CPSF3: variants seen among roughly 807,000 people sequenced by gnomAD.
CPSF3 encodes cleavage and polyadenylation specific factor 3, also known as cleavage and polyadenylation specificity factor subunit 3.
In CPSF3, 57 loss-of-function variants were observed where a neutral mutation model predicts 84.1. The ratio of observed to expected loss-of-function variants is 0.68; its 90% CI spans 0.55 to 0.85. CPSF3 has a LOEUF of 0.85. CPSF3 is among the 40% of genes least tolerant of loss of function. CPSF3 has a pLI of 0.00. For synonymous variants in CPSF3, 275 were observed against 278.1 expected (o/e 0.99, Z 0.11); for missense variants, 522 against 838.8 (o/e 0.62, Z 4.66).
At chr2:9,466,353 C>G (rs1211028976) in intron 15 of CPSF3, among the ~76,000 whole-genome samples, 14 of 142,550 alleles carry the variant, frequency 9.8e-5, no homozygotes, top group Admixed American at 9.0e-4. Flanking sequence ...CGCGCGCGCG[C>G]ACACACACAC....
intron 10 of CPSF3, among the ~76,000 whole-genome samples, chr2:9,443,957 C>T (rs1421791050): frequency 2.0e-5 from 3 of 152,110 alleles, no homozygotes; most frequent in South Asian, 2.1e-4. Flanking sequence ...TATGACTGCT[C>T]ATTTGGAATG....
chr2:9,457,022 T>C lies in CPSF3; in HGVS notation c.1693T>C (p.Leu565=). The C allele has an allele frequency of 6.4e-7, 1 of 1,573,324 alleles. No individual in the cohort carries two copies. Among genetic ancestry groups the C allele is most frequent in the Non-Finnish European group, 8.7e-7 (1 of 1,152,514 alleles). ...AATACAAGAACCAGGCATGGTGGTA[T>C]TAGAAGTAAGAAAAGATCATTTACC... The part of the protein sequence containing the change: ...TVIQEPGMVV[L]EWLANPSNDM... The change falls in exon 14 of 18, where the codon TTA becomes CTA. Residue 565 remains leucine, a synonymous_variant. Transcript: ENST00000238112.
chr2:9,466,337 CA>C (rs1558466484), intron 15 of CPSF3, among the ~76,000 whole-genome samples: 36 of 94,600 alleles, frequency 3.8e-4, no homozygotes, highest in Middle Eastern at 5.6e-3. Flanking sequence ...GACGCACGCA[CA>C]CACGCGCGCG....
At chr2:9,465,209 C>T (rs1203740529) in intron 15 of CPSF3, among the ~76,000 whole-genome samples, 2 of 152,126 alleles carry the variant, frequency 1.3e-5, no homozygotes, top group Non-Finnish European at 2.9e-5. Flanking sequence ...CATAGTGTTA[C>T]ATGAGAAAGT....
chr2:9,455,171 C>T (rs1681480868), intron 12 of CPSF3, among the ~76,000 whole-genome samples: 1 of 147,186 alleles, frequency 6.8e-6, no homozygotes, highest in South Asian at 2.1e-4. Flanking sequence ...AAGTCTTGCT[C>T]TGTTGCCCAG....
At position 9,446,108 on chromosome 2, in the gene CPSF3, C is replaced by T. The variant is rs190124800; in HGVS notation, c.1243-2090C>T. Among the ~76,000 whole-genome samples, 248 of 152,346 alleles carry T rather than the reference C, an allele frequency of 1.6e-3. 3 individuals are homozygous for T. Among genetic ancestry groups the T allele is most frequent in the African/African-American group, 5.7e-3 (236 of 41,584 alleles). The stretch of plus-strand genomic sequence containing the variant: ...CCCAGCAAGCAGTAAGCCCCTGCCA[C>T]GTGCTGGTGCTGGCTATGCCCAGCC... On this transcript the variant is annotated intron_variant, in intron 10 of 17. Coordinates refer to ENST00000238112, the MANE Select transcript of CPSF3 (RefSeq NM_016207.4).
chr2:9,470,249 CTT>C (rs1171463138), intron 16 of CPSF3, among the ~76,000 whole-genome samples: 1 of 152,068 alleles, frequency 6.6e-6, no homozygotes, highest in Non-Finnish European at 1.5e-5. Context: ...AAAATATAAT[CTT>C]TTCCTTTGTG....
intron 7 of CPSF3, among the ~76,000 whole-genome samples, chr2:9,438,768 A>G (rs1409575297): frequency 6.6e-6 from 1 of 152,164 alleles, no homozygotes; most frequent in Non-Finnish European, 1.5e-5. Flanking sequence ...TAAAATTCAA[A>G]TTTAACTGAG....
intron 10 of CPSF3, among the ~76,000 whole-genome samples, chr2:9,446,382 C>T (rs1338586010): frequency 6.6e-6 from 1 of 151,990 alleles, no homozygotes; most frequent in Non-Finnish European, 1.5e-5. Context: ...AGATGGAGAC[C>T]ATCCTGGCTA....
intron 8 of CPSF3, 137 bp downstream of exon 8, chr2:9,440,803 C>T (rs1680940815): frequency 1.2e-6 from 1 of 809,572 alleles, no homozygotes; most frequent in Non-Finnish European, 1.9e-6. Context: ...ATCACTAGAA[C>T]TCAGGAGTTT....
intron 10 of CPSF3, 102 bp downstream of exon 10, chr2:9,443,763 A>C: frequency 5.7e-6 from 7 of 1,234,626 alleles, no homozygotes; most frequent in Non-Finnish European, 8.1e-6. Flanking sequence ...TCACCTACTA[A>C]TGCGACACCC....
At chr2:9,439,820 CA>C (rs941827947) in intron 7 of CPSF3, among the ~76,000 whole-genome samples, 181 of 141,064 alleles carry the variant, frequency 1.3e-3, no homozygotes, top group African/African-American at 2.6e-3. Flanking sequence ...GACCCAGTCT[CA>C]AAAAAAAAAA....
At chr2:9,460,679 CT>C (rs529125315) in intron 15 of CPSF3, among the ~76,000 whole-genome samples, 442 of 137,600 alleles carry the variant, frequency 3.2e-3, no homozygotes, top group Admixed American at 3.4e-3. Context: ...TTCTTTCTTT[CT>C]TTTTTTTTTT....
intron 1 of CPSF3, among the ~76,000 whole-genome samples, chr2:9,426,623 G>A (rs1680402816): frequency 6.6e-6 from 1 of 152,192 alleles, no homozygotes; most frequent in Admixed American, 6.5e-5. Flanking sequence ...CATTTAAAGG[G>A]TAGGCAGAGG....
intron 10 of CPSF3, among the ~76,000 whole-genome samples, chr2:9,446,882 A>T (rs1447728330): frequency 6.6e-6 from 1 of 152,266 alleles, no homozygotes; most frequent in Non-Finnish European, 1.5e-5. Flanking sequence ...ACAGTGGCTC[A>T]TGCCTGTAAT....
chr2:9,447,533 C>T (rs1681167341), intron 10 of CPSF3, among the ~76,000 whole-genome samples: 2 of 152,068 alleles, frequency 1.3e-5, no homozygotes, highest in South Asian at 4.1e-4. Context: ...AGCCTGTAAT[C>T]CCAGCACTTT....
intron 7 of CPSF3, among the ~76,000 whole-genome samples, chr2:9,437,097 A>G (rs1247383661): frequency 6.6e-6 from 1 of 151,922 alleles, no homozygotes; most frequent in Admixed American, 6.5e-5. Flanking sequence ...CCAAAAAAGT[A>G]GAGTTCAAAA....
intron 15 of CPSF3, among the ~76,000 whole-genome samples, chr2:9,463,520 G>A (rs1018128030): frequency 1.3e-5 from 2 of 152,298 alleles, no homozygotes; most frequent in African/African-American, 2.4e-5. Context: ...AATGATCCAG[G>A]GTATGTATGT....
At chr2:9,428,647 T>C (rs1680474534) in intron 1 of CPSF3, 118 bp from the exon 2 acceptor site, 1 of 661,002 alleles carries the variant, frequency 1.5e-6, no homozygotes, top group Admixed American at 2.7e-5. Flanking sequence ...TCTCAGAATT[T>C]TTCAGTGAGG....
Sources: allele counts gnomAD v4.1 joint callset (sites outside exome capture counted in the v4.1 genomes callset), GRCh38; gene constraint gnomAD v4.1.1; transcripts MANE v1.5; gene names NCBI Gene and HGNC (gene_info 2026-07-23, HGNC 2026-07-21).